Variants in PDLIM5 observed in about 807,000 individuals in gnomAD.
The protein encoded by PDLIM5 is PDZ and LIM domain 5.
In PDLIM5, 34 loss-of-function variants were observed where a neutral mutation model predicts 64.2. The observed-to-expected ratio is 0.53, with a 90% CI of 0.40 to 0.71. The LOEUF (loss-of-function observed/expected upper bound fraction) is 0.71, where lower values mean the gene tolerates loss of function less well. Among genes scored for constraint, PDLIM5 ranks in the 30% least tolerant of loss-of-function variants. The probability of loss-of-function intolerance (pLI) is 0.00; values close to 1 mark genes in which losing one functional copy is unlikely to be tolerated. For synonymous variants in PDLIM5, 253 were observed against 269.1 expected (o/e 0.94, Z 0.59); for missense variants, 683 against 733.6 (o/e 0.93, Z 0.80).
chr4:94,469,286 G>C (rs1441330071), intron 2 of PDLIM5, among the ~76,000 whole-genome samples: 1 of 152,210 alleles, frequency 6.6e-6, no homozygotes, highest in African/African-American at 2.4e-5. Context: ...AAGGTGATGT[G>C]CCAGAGAGTA....
At position 94,627,377 on chromosome 4, in the gene PDLIM5, C is replaced by T. The variant is rs146886979; in HGVS notation, c.1108+9186C>T. Among the ~76,000 whole-genome samples the T allele has an allele frequency of 4.5e-4, 69 of 152,292 alleles. 1 individual carries two copies. The highest frequency in any genetic ancestry group is 6.8e-3 in the Middle Eastern group (2 of 294). The stretch of plus-strand genomic sequence containing the variant: ...TGTTGGAAGCTTTCCAGTGCTGATG[C>T]AAGGCTTCATCTGTGAAAGCTGTTC... On this transcript the variant is annotated intron_variant, in intron 8 of 12. Transcript: ENST00000317968.
chr4:94,564,765 C>T (rs775739088), intron 3 of PDLIM5, among the ~76,000 whole-genome samples: 2 of 147,580 alleles, frequency 1.4e-5, no homozygotes, highest in Non-Finnish European at 3.0e-5. Flanking sequence ...AAGCGATTCT[C>T]CTGCCTCAGC....
Position 94,467,029 on chromosome 4 carries a change from G to A in PDLIM5, c.96+11645G>A, listed in dbSNP as rs1156236818. Among the ~76,000 whole-genome samples the A allele has an allele frequency of 2.6e-5, 4 of 152,192 alleles. No homozygotes were observed. In the East Asian group the frequency reaches 7.7e-4, roughly 29 times the overall value. On this transcript the variant is annotated intron_variant, in intron 2 of 12. Transcript: ENST00000317968. ...TTACAGTCTTTTAAGGCCATGGCCAGAGAGATCAATTCAAATATTTGGACT... is the reference window on the plus strand; with the variant it reads ...TTACAGTCTTTTAAGGCCATGGCCAAAGAGATCAATTCAAATATTTGGACT...
intron 9 of PDLIM5, among the ~76,000 whole-genome samples, chr4:94,653,177 A>G (rs932222019): frequency 5.9e-5 from 9 of 151,962 alleles, no homozygotes; most frequent in Non-Finnish European, 1.0e-4. Context: ...AGTTGACTAG[A>G]GCGGCATACT....
chr4:94,621,347 ATTT>A (rs1739227612), intron 8 of PDLIM5, among the ~76,000 whole-genome samples: 2 of 152,250 alleles, frequency 1.3e-5, no homozygotes, highest in African/African-American at 4.8e-5. Flanking sequence ...AGCCCCATAC[ATTT>A]TTGAGTTATT....
At chr4:94,567,641 A>C (rs1036286594) in intron 3 of PDLIM5, among the ~76,000 whole-genome samples, 1 of 152,146 alleles carries the variant, frequency 6.6e-6, no homozygotes, top group African/African-American at 2.4e-5. Flanking sequence ...TGCAGGGTGC[A>C]TCCTTTTCAC....
At chr4:94,635,713 C>T (rs1241290195) in intron 8 of PDLIM5, among the ~76,000 whole-genome samples, 10 of 152,220 alleles carry the variant, frequency 6.6e-5, no homozygotes, top group Admixed American at 3.3e-4. Flanking sequence ...CCCTGTTACA[C>T]GTCCCTCTTC....
chr4:94,581,197 C>T (rs1400907341), intron 5 of PDLIM5, among the ~76,000 whole-genome samples: 2 of 152,094 alleles, frequency 1.3e-5, no homozygotes, highest in Non-Finnish European at 2.9e-5. Context: ...GCACATTTAC[C>T]ACTGCTGTGT....
At chr4:94,544,918 A>G (rs910619723) in intron 3 of PDLIM5, among the ~76,000 whole-genome samples, 1 of 152,220 alleles carries the variant, frequency 6.6e-6, no homozygotes, top group Non-Finnish European at 1.5e-5. Flanking sequence ...AAGATTAGCA[A>G]TACCTTGCCA....
intron 2 of PDLIM5, among the ~76,000 whole-genome samples, chr4:94,508,434 A>C (rs1419831166): frequency 6.6e-6 from 1 of 152,238 alleles, no homozygotes; most frequent in Non-Finnish European, 1.5e-5. Flanking sequence ...CTTGGAGGTC[A>C]GAAACTTGGC....
intron 8 of PDLIM5, among the ~76,000 whole-genome samples, chr4:94,635,760 A>G (rs1037213077): frequency 1.2e-4 from 19 of 152,230 alleles, no homozygotes; most frequent in Non-Finnish European, 2.2e-4. Context: ...GGAGGCTAGC[A>G]CTTGACTGCT....
chr4:94,501,889 A>G (rs1727955621), intron 2 of PDLIM5, among the ~76,000 whole-genome samples: 1 of 152,122 alleles, frequency 6.6e-6, no homozygotes, highest in Non-Finnish European at 1.5e-5. Flanking sequence ...TGGGAGAAAA[A>G]CTCAGAAGGC....
At chr4:94,614,456 A>C (rs570006144) in intron 7 of PDLIM5, among the ~76,000 whole-genome samples, 1 of 152,290 alleles carries the variant, frequency 6.6e-6, no homozygotes, top group South Asian at 2.1e-4. Flanking sequence ...AGTAGCTAAT[A>C]GTTAAAATTA....
intron 2 of PDLIM5, among the ~76,000 whole-genome samples, chr4:94,463,136 G>C (rs1020845895): frequency 6.6e-6 from 1 of 152,006 alleles, no homozygotes; most frequent in Non-Finnish European, 1.5e-5. Context: ...TGTGTTTTTG[G>C]CATAGTGCCC....
At chr4:94,587,647 A>G (rs959421808) in intron 7 of PDLIM5, 1 of 979,780 alleles carries the variant, frequency 1.0e-6, no homozygotes, top group East Asian at 1.1e-4. Flanking sequence ...GGTACTATTC[A>G]GGATGGCTCT....
At chr4:94,628,979 C>T (rs1334357019) in intron 8 of PDLIM5, among the ~76,000 whole-genome samples, 3 of 150,152 alleles carry the variant, frequency 2.0e-5, no homozygotes, top group Non-Finnish European at 4.4e-5. Context: ...AAATGAAGCC[C>T]ATTGGCCTCC....
At chr4:94,590,679 G>C (rs185183824) in intron 7 of PDLIM5, among the ~76,000 whole-genome samples, 56 of 152,308 alleles carry the variant, frequency 3.7e-4, no homozygotes, top group Admixed American at 1.0e-3. Context: ...TGACTTGAGG[G>C]TGGGGAGACA....
At chr4:94,657,066 G>T (rs12505788) in intron 10 of PDLIM5, among the ~76,000 whole-genome samples, 45,648 of 151,992 alleles carry the variant, frequency 0.3, 7,162 homozygotes, top group Non-Finnish European at 0.35. Context: ...ATAAAACCTT[G>T]GTAAGTTAAT....
chr4:94,643,248 A>G (rs1194051469), intron 9 of PDLIM5, among the ~76,000 whole-genome samples: 1 of 152,172 alleles, frequency 6.6e-6, no homozygotes, highest in East Asian at 1.9e-4. Context: ...TGTTTTGCCT[A>G]AATTGTATTA....
Sources: allele counts gnomAD v4.1 joint callset (sites outside exome capture counted in the v4.1 genomes callset), GRCh38; gene constraint gnomAD v4.1.1; transcripts MANE v1.5; gene names NCBI Gene and HGNC (gene_info 2026-07-23, HGNC 2026-07-21).